LRRC8C: variants seen among roughly 807,000 people sequenced by gnomAD.
LRRC8C encodes the protein volume-regulated anion channel subunit LRRC8C.
A neutral mutation model predicts 55.3 loss-of-function variants in LRRC8C; 20 were observed. The observed-to-expected ratio is 0.36, with a 90% CI of 0.25 to 0.53. The LOEUF is 0.53. Ranked by LOEUF, LRRC8C falls within the 20% of genes least tolerant of loss-of-function variation. The pLI is 0.92. For missense variants in LRRC8C, 659 were observed against 951.4 expected (o/e 0.69, Z 4.04); for synonymous variants, 376 against 360.7 (o/e 1.04, Z -0.48).
Position 89,719,324 on chromosome 1 carries a change from TCCA to T in LRRC8C, c.*4343_*4345del, listed in dbSNP as rs1658908808. The T allele has an allele frequency of 6.6e-6, 1 of 152,174 alleles. No individual in the cohort carries two copies. Among genetic ancestry groups the T allele is most frequent in the Non-Finnish European group, 1.5e-5 (1 of 68,020 alleles). The allele number at this position is 152,174 out of a possible 1,614,324, so 9.4% of individuals were successfully genotyped here. A position where few individuals can be genotyped will look rare whatever the true frequency, so the allele number is the denominator to read the frequency against. On this transcript the variant is annotated 3_prime_UTR_variant, in exon 3 of 3. Coordinates refer to ENST00000370454, the MANE Select transcript of LRRC8C (RefSeq NM_032270.5). ...TGAATATTTTTATTGGAGCTCAAAC[TCCA>T]TGACTTACGTGCTCACTAAGTTTTC...
chr1:89,658,769 A>G (rs1466336604), intron 1 of LRRC8C, among the ~76,000 whole-genome samples: 1 of 152,222 alleles, frequency 6.6e-6, no homozygotes, highest in Non-Finnish European at 1.5e-5. Context: ...CATTTCTGAC[A>G]GGGAAATGAA....
chr1:89,657,509 G>A (rs567452941), intron 1 of LRRC8C, among the ~76,000 whole-genome samples: 100 of 152,128 alleles, frequency 6.6e-4, no homozygotes, highest in Non-Finnish European at 1.3e-3. Flanking sequence ...TTGGGAGGCC[G>A]AGGCAGGCAG....
At chr1:89,671,497 G>A (rs894652102) in intron 1 of LRRC8C, among the ~76,000 whole-genome samples, 1 of 152,152 alleles carries the variant, frequency 6.6e-6, no homozygotes, top group African/African-American at 2.4e-5. Flanking sequence ...ACACACATTT[G>A]GATAAATGCA....
intron 1 of LRRC8C, among the ~76,000 whole-genome samples, chr1:89,640,163 C>T (rs1656414467): frequency 1.3e-5 from 2 of 152,228 alleles, no homozygotes; most frequent in Non-Finnish European, 2.9e-5. Flanking sequence ...CTCCTGGGTT[C>T]AAGTGATTCT....
chr1:89,715,984 C>T lies in LRRC8C; in HGVS notation c.*1002C>T, dbSNP rs1658807746. 1 of 152,122 alleles carries T rather than the reference C, an allele frequency of 6.6e-6. No homozygotes were observed. Among genetic ancestry groups the T allele is most frequent in the Non-Finnish European group, 1.5e-5 (1 of 68,012 alleles). The allele number at this position is 152,122 out of a possible 1,614,324, so 9.4% of individuals were successfully genotyped here. A position where few individuals can be genotyped will look rare whatever the true frequency, so the allele number is the denominator to read the frequency against. The stretch of plus-strand genomic sequence containing the variant: ...TTTGCCTGTTACACAAAATAATCCA[C>T]TTATATATACAGTCAGCCTTCCGTA... On this transcript the variant is annotated 3_prime_UTR_variant, in exon 3 of 3. Transcript: ENST00000370454.
chr1:89,636,534 C>T (rs956017440), intron 1 of LRRC8C, among the ~76,000 whole-genome samples: 2 of 152,052 alleles, frequency 1.3e-5, no homozygotes, highest in African/African-American at 2.4e-5. Context: ...TTTTGGCAAA[C>T]ATACTTTCCT....
chr1:89,633,529 C>A (rs1401311007), intron 1 of LRRC8C, among the ~76,000 whole-genome samples: 1 of 152,212 alleles, frequency 6.6e-6, no homozygotes, highest in African/African-American at 2.4e-5. Flanking sequence ...GCCCGCCAAC[C>A]CCTACCCCAC....
chr1:89,643,497 C>A (rs1196761398), intron 1 of LRRC8C, among the ~76,000 whole-genome samples: 3 of 152,106 alleles, frequency 2.0e-5, no homozygotes. Context: ...ACTAGGCAAA[C>A]CTATTTATGT....
chr1:89,717,854 C>T lies in LRRC8C; in HGVS notation c.*2872C>T, dbSNP rs1336786450. On this transcript the variant is annotated 3_prime_UTR_variant, in exon 3 of 3. Coordinates refer to ENST00000370454, the MANE Select transcript of LRRC8C (RefSeq NM_032270.5). ...ACTATTATAGCTCTATTTCCCCAATCTCTATAGGACTCATGAGAGATTGCT... is the reference window on the plus strand; with the variant it reads ...ACTATTATAGCTCTATTTCCCCAATTTCTATAGGACTCATGAGAGATTGCT... 6.6e-6 allele frequency: 1 copy of T among 152,168 alleles called. No homozygotes were observed. Among genetic ancestry groups the T allele is most frequent in the East Asian group, 1.9e-4 (1 of 5,202 alleles). 9.4% of individuals were successfully genotyped at this position (152,168 alleles called of 1,614,324 possible). A position where few individuals can be genotyped will look rare whatever the true frequency, so the allele number is the denominator to read the frequency against.
intron 1 of LRRC8C, among the ~76,000 whole-genome samples, chr1:89,674,412 G>T (rs763674769): frequency 6.6e-6 from 1 of 152,114 alleles, no homozygotes; most frequent in African/African-American, 2.4e-5. Flanking sequence ...TTAGAAGAGG[G>T]AACTCATAAA....
At chr1:89,621,296 TAAA>T in the LRRC8C span, among the ~76,000 whole-genome samples, 1,753 of 123,778 alleles carry the variant, frequency 0.014, 35 homozygotes, top group African/African-American at 0.039. Flanking sequence ...CCGTCTCTAC[TAAA>T]AAAAAAAAAA....
At chr1:89,619,637 A>G in the LRRC8C span, among the ~76,000 whole-genome samples, 24 of 151,950 alleles carry the variant, frequency 1.6e-4, no homozygotes, top group South Asian at 4.3e-3. Context: ...TTGAAGAAAG[A>G]TTCCCTTTGG....
intron 2 of LRRC8C, among the ~76,000 whole-genome samples, chr1:89,694,473 G>A (rs186066936): frequency 2.0e-4 from 30 of 151,980 alleles, no homozygotes; most frequent in Admixed American, 9.2e-4. Flanking sequence ...TTTTGGAGAC[G>A]AGTTCTCACT....
At chr1:89,652,409 G>C (rs777003266) in intron 1 of LRRC8C, among the ~76,000 whole-genome samples, 6 of 152,180 alleles carry the variant, frequency 3.9e-5, no homozygotes, top group Non-Finnish European at 5.9e-5. Context: ...GCTGCACAAA[G>C]ATTTTGGTGG....
chr1:89,643,888 C>G (rs1656540267), intron 1 of LRRC8C, among the ~76,000 whole-genome samples: 1 of 152,120 alleles, frequency 6.6e-6, no homozygotes, highest in Non-Finnish European at 1.5e-5. Context: ...GATAACATAA[C>G]AATCAAACAT....
rs546808314 is a variant in LRRC8C at position 89,674,262 on chromosome 1, A to G, written c.-4-12208A>G. On this transcript the variant is annotated intron_variant, in intron 1 of 2. Transcript: ENST00000370454. ...CGGCACAATGTAGATTTGAGAGACC[A>G]GTAACATTTGGCTATTTCCACCTAG... 2.0e-5 allele frequency among the ~76,000 whole-genome samples: 3 copies of G among 151,608 alleles called. No individual in the cohort carries two copies. In the East Asian group the frequency reaches 5.8e-4, roughly 29 times the overall value.
Position 89,689,049 on chromosome 1 carries a change from G to A in LRRC8C, c.138+2438G>A, listed in dbSNP as rs116692699. On this transcript the variant is annotated intron_variant, in intron 2 of 2. Coordinates refer to ENST00000370454, the MANE Select transcript of LRRC8C (RefSeq NM_032270.5). ...GAGAGGCTCAGGAGGACAGCAGTGT[G>A]GACGGCTACATGGACAGTTGTGAAG... is the stretch of plus-strand genomic sequence containing the variant. Among the ~76,000 whole-genome samples the A allele has an allele frequency of 7.9e-3, 1,196 of 152,290 alleles. 13 individuals are homozygous for A. The highest frequency in any genetic ancestry group is 0.028 in the African/African-American group (1,156 of 41,554).
chr1:89,716,119 T>C lies in LRRC8C; in HGVS notation c.*1137T>C, dbSNP rs528563084. The C allele has an allele frequency of 3.8e-4, 58 of 152,348 alleles. No homozygotes were observed. Among genetic ancestry groups the C allele is most frequent in the African/African-American group, 1.3e-3 (55 of 41,582 alleles). 9.4% of individuals were successfully genotyped at this position (152,348 alleles called of 1,614,324 possible). A position where few individuals can be genotyped will look rare whatever the true frequency, so the allele number is the denominator to read the frequency against. ...AGACTTTTTCCTTGTCATTATTCCC[T>C]AAACAATACAGCGTAACAACTATTT... On this transcript the variant is annotated 3_prime_UTR_variant, in exon 3 of 3. Transcript: ENST00000370454.
intron 1 of LRRC8C, among the ~76,000 whole-genome samples, chr1:89,635,373 G>A (rs991373951): frequency 1.2e-4 from 19 of 152,148 alleles, no homozygotes; most frequent in Admixed American, 1.1e-3. Context: ...GATTTAATAT[G>A]GTACATTGCT....
Sources: gnomAD v4.1 joint callset for allele counts (sites outside exome capture counted in the v4.1 genomes callset) on GRCh38, gnomAD v4.1.1 for gene constraint, MANE v1.5 for transcripts, NCBI Gene and HGNC (gene_info 2026-07-23, HGNC 2026-07-21) for gene names.